LTBP1: variants seen among roughly 807,000 people sequenced by gnomAD.
LTBP1 encodes the protein latent-transforming growth factor beta-binding protein 1.
LTBP1 carries 129 observed loss-of-function variants against 207.6 expected under a neutral mutation model. The observed-to-expected ratio is 0.62, with a 90% CI of 0.54 to 0.72. The LOEUF (loss-of-function observed/expected upper bound fraction) is 0.72, where lower values mean the gene tolerates loss of function less well. LTBP1 is among the 30% of genes least tolerant of loss of function. The probability of loss-of-function intolerance (pLI) is 0.00; values close to 1 mark genes in which losing one functional copy is unlikely to be tolerated. For synonymous variants in LTBP1, 963 were observed against 833.7 expected, an observed-to-expected ratio of 1.16 and a Z score of -2.67; for missense variants, 2,281 against 2,217.2, an observed-to-expected ratio of 1.03 and a Z score of -0.58.
intron 19 of LTBP1, among the ~76,000 whole-genome samples, chr2:33,287,962 A>G (rs921961424): frequency 1.3e-5 from 2 of 152,136 alleles, no homozygotes; most frequent in South Asian, 2.1e-4. Flanking sequence ...ATAAAAGATT[A>G]TGTGTGAAGA....
Position 33,101,120 on chromosome 2 carries a change from C to A in LTBP1, c.864-9462C>A, listed in dbSNP as rs553349437. On this transcript the variant is annotated intron_variant, in intron 3 of 33. Transcript: ENST00000404816. The stretch of plus-strand genomic sequence containing the variant: ...GAAGAGCTGCAAAACTGATTTTTCA[C>A]AGTGCTTGTAGGGCTAGGTTCCTTG... Among the ~76,000 whole-genome samples the A allele has an allele frequency of 2.0e-5, 3 of 152,252 alleles. 1 individual carries two copies. The South Asian group carries it at 6.2e-4, about 32-fold the overall frequency.
At chr2:33,110,551 A>C (rs367814824) in intron 3 of LTBP1, 31 bp from the exon 4 acceptor site, 1 of 1,595,164 alleles carries the variant, frequency 6.3e-7, no homozygotes, top group African/African-American at 1.3e-5. Context: ...CCCATTATTT[A>C]ATTCCTTCTC....
intron 26 of LTBP1, among the ~76,000 whole-genome samples, chr2:33,351,457 A>G (rs975892978): frequency 6.6e-6 from 1 of 152,262 alleles, no homozygotes; most frequent in East Asian, 1.9e-4. Flanking sequence ...AAGATAATAC[A>G]CATTAATCAT....
At chr2:33,004,816 A>ATATATATATAG (rs1558501569) in intron 2 of LTBP1, among the ~76,000 whole-genome samples, 96 of 72,040 alleles carry the variant, frequency 1.3e-3, no homozygotes, top group African/African-American at 3.8e-3. Flanking sequence ...TATATATATA[A>ATATATATATAG]ACATAAAATT....
intron 23 of LTBP1, among the ~76,000 whole-genome samples, chr2:33,313,271 G>T (rs758212219): frequency 1.3e-5 from 2 of 152,178 alleles, no homozygotes; most frequent in African/African-American, 4.8e-5. Context: ...TTCAGCGATG[G>T]ACAGGCCAAA....
At chr2:33,023,926 G>A (rs569117247) in intron 3 of LTBP1, among the ~76,000 whole-genome samples, 4 of 152,312 alleles carry the variant, frequency 2.6e-5, no homozygotes, top group African/African-American at 9.6e-5. Context: ...CCTATTTTAG[G>A]ATATTTCAGG....
chr2:33,189,020 A>T (rs1351710679), intron 7 of LTBP1, among the ~76,000 whole-genome samples, 169 bp downstream of exon 7: 1 of 152,176 alleles, frequency 6.6e-6, no homozygotes. Flanking sequence ...TCATAGCCAC[A>T]CTTATTCATT....
At chr2:33,173,460 A>C (rs1002478389) in intron 5 of LTBP1, among the ~76,000 whole-genome samples, 155 of 152,320 alleles carry the variant, frequency 1.0e-3, no homozygotes, top group African/African-American at 3.5e-3. Flanking sequence ...ACCAGGAAGA[A>C]GTTGAATCTC....
rs755484205 is a variant in LTBP1 at position 33,243,764 on chromosome 2, C to T, written c.1979C>T (p.Pro660Leu). 8.2e-5 allele frequency: 133 copies of T among 1,613,912 alleles called. No individual in the cohort carries two copies. The highest frequency in any genetic ancestry group is 1.0e-4 in the Non-Finnish European group (123 of 1,179,958). The change falls in exon 10 of 34, where the codon CCT (proline) becomes CTT (leucine). Residue 660 changes from proline (P) to leucine (L), a missense_variant. This residue lies in a region of LTBP1 where 1,671 missense variants were observed against 1,634.8 expected (regional missense o/e 1.02). Transcript: ENST00000404816. ...CTCKIGFGPD[P>L]TFSSCVPDPP... ...TGCAAAATAGGATTTGGGCCGGATC[C>T]TACCTTTTCAAGTTGTGTTCGTAAG... is the stretch of plus-strand genomic sequence containing the variant.
intron 25 of LTBP1, among the ~76,000 whole-genome samples, chr2:33,347,134 A>C (rs2094714309): frequency 1.3e-5 from 2 of 151,896 alleles, no homozygotes; most frequent in African/African-American, 2.4e-5. Flanking sequence ...AAAAAAAAAA[A>C]AAAAAAACCT....
At chr2:33,058,409 G>C (rs2077110434) in intron 3 of LTBP1, among the ~76,000 whole-genome samples, 1 of 152,138 alleles carries the variant, frequency 6.6e-6, no homozygotes. Context: ...ATGTTTAAGT[G>C]ATTTGCCTAA....
intron 11 of LTBP1, among the ~76,000 whole-genome samples, chr2:33,253,868 G>T (rs1196822342): frequency 6.7e-6 from 1 of 148,362 alleles, no homozygotes; most frequent in Non-Finnish European, 1.5e-5. Context: ...TTGCTCTTGT[G>T]CCATCTGATG....
At chr2:33,277,362 T>A (rs1004875731) in intron 18 of LTBP1, among the ~76,000 whole-genome samples, 1 of 152,144 alleles carries the variant, frequency 6.6e-6, no homozygotes, top group Admixed American at 6.5e-5. Context: ...CACGCTGCTC[T>A]TCCAGGGAAC....
At chr2:32,994,169 A>AT (rs1684879329) in intron 2 of LTBP1, among the ~76,000 whole-genome samples, 1 of 152,208 alleles carries the variant, frequency 6.6e-6, no homozygotes, top group African/African-American at 2.4e-5. Context: ...AACCCTTGTC[A>AT]TCAGAGGTCT....
chr2:33,164,589 A>G (rs2084763537), intron 5 of LTBP1, among the ~76,000 whole-genome samples: 1 of 152,172 alleles, frequency 6.6e-6, no homozygotes, highest in Non-Finnish European at 1.5e-5. Flanking sequence ...ATTACAGAAA[A>G]AAGCATCATT....
intron 24 of LTBP1, among the ~76,000 whole-genome samples, chr2:33,323,629 A>AAAAC (rs34614774): frequency 0.83 from 125,049 of 150,946 alleles, 52,148 homozygotes; most frequent in African/African-American, 0.86. Flanking sequence ...ACTCCGTCTC[A>AAAAC]AAACAAACAA....
chr2:33,398,129 G>A (rs2095376389), intron 33 of LTBP1, among the ~76,000 whole-genome samples: 1 of 152,176 alleles, frequency 6.6e-6, no homozygotes, highest in African/African-American at 2.4e-5. Context: ...AAAATGTCAA[G>A]CTCACAAAAT....
rs150836457 is a variant in LTBP1, at chr2:33,107,657, C to T, written c.864-2925C>T. Among the ~76,000 whole-genome samples, 1,205 of 152,210 alleles carry T rather than the reference C, an allele frequency of 7.9e-3. 11 individuals are homozygous for T. The highest frequency in any genetic ancestry group is 0.01 in the Middle Eastern group (3 of 294). ...AGAGTATTTAAATATTTTAAACCAC[C>T]AGTGTGGCTGTACGATTGCATAACA... On this transcript the variant is annotated intron_variant, in intron 3 of 33. Transcript: ENST00000404816.
At position 33,134,890 on chromosome 2, in the gene LTBP1, G is replaced by C; in HGVS notation, c.1131G>C (p.Gly377=). The C allele has an allele frequency of 6.2e-7, 1 of 1,613,994 alleles. No homozygotes were observed. The highest frequency in any genetic ancestry group is 1.1e-5 in the South Asian group (1 of 91,056). ...GCTGTCAGAACAGCTGTGAGAAGGG[G>C]AACACCACCACTCTCATTAGTGAGA... ...KGSCQNSCEK[G]NTTTLISENG... The change falls in exon 5 of 34, where the codon GGG becomes GGC. Residue 377 remains glycine (G), a synonymous_variant. Transcript: ENST00000404816. This position sits in a 1 kb window ranked among gnomAD's most constrained non-coding sequence, Gnocchi z 4.4.
Sources: allele counts gnomAD v4.1 joint callset (sites outside exome capture counted in the v4.1 genomes callset), GRCh38; gene constraint gnomAD v4.1.1; regional missense constraint gnomAD v4.1.1; non-coding constraint Gnocchi (gnomAD v3.1); transcripts MANE v1.5; gene names NCBI Gene and HGNC (gene_info 2026-07-23, HGNC 2026-07-21).